The following ARMC3 variants were observed in gnomAD, a reference collection of about 807,000 sequenced individuals.
ARMC3 encodes armadillo repeat containing 3.
Under a neutral mutation model 90.3 loss-of-function variants are expected in ARMC3, and 74 were observed. The ratio of observed to expected loss-of-function variants is 0.82; its 90% CI spans 0.68 to 0.99. ARMC3 has a LOEUF of 0.99. Ranked by LOEUF, ARMC3 falls within the 50% of genes least tolerant of loss-of-function variation. ARMC3 has a pLI of 0.00. For synonymous variants in ARMC3, 334 were observed against 361.8 expected, an observed-to-expected ratio of 0.92 and a Z score of 0.87; for missense variants, 958 against 1,042.8, an observed-to-expected ratio of 0.92 and a Z score of 1.12.
At chr10:22,969,059 T>G (rs548451438) in intron 8 of ARMC3, among the ~76,000 whole-genome samples, 72 of 152,358 alleles carry the variant, frequency 4.7e-4, no homozygotes, top group Admixed American at 8.5e-4. Context: ...GAATTTGGAA[T>G]TATATAGAAG....
At chr10:23,023,855 C>G (rs148912238) in intron 16 of ARMC3, among the ~76,000 whole-genome samples, 3 of 151,874 alleles carry the variant, frequency 2.0e-5, no homozygotes, top group Non-Finnish European at 4.4e-5. Context: ...CAAGGACTTA[C>G]GGGACAATAA....
At chr10:22,985,253 T>A (rs910921757) in intron 10 of ARMC3, among the ~76,000 whole-genome samples, 3 of 152,050 alleles carry the variant, frequency 2.0e-5, no homozygotes, top group Non-Finnish European at 4.4e-5. Context: ...AAAGTTATGG[T>A]TGCCATTTTG....
chr10:22,968,209 A>T (rs1309784081), intron 7 of ARMC3, 97 bp from the exon 8 acceptor site: 1 of 1,124,908 alleles, frequency 8.9e-7, no homozygotes, highest in Non-Finnish European at 1.3e-6. Context: ...AAATCATGAC[A>T]TTGTGTTCTG....
intron 7 of ARMC3, among the ~76,000 whole-genome samples, chr10:22,966,639 C>T (rs537079688): frequency 1.4e-4 from 22 of 152,206 alleles, no homozygotes; most frequent in East Asian, 1.9e-4. Context: ...AAGAACTGCC[C>T]GAGACTGGGT....
intron 16 of ARMC3, among the ~76,000 whole-genome samples, chr10:23,028,017 C>T (rs140295072): frequency 0.013 from 1,910 of 152,256 alleles, 32 homozygotes; most frequent in African/African-American, 0.043. Context: ...TGGCACACAC[C>T]TGTGCTCCCA....
At chr10:23,004,596 G>T (rs1010144926) in intron 13 of ARMC3, among the ~76,000 whole-genome samples, 2 of 152,118 alleles carry the variant, frequency 1.3e-5, no homozygotes, top group African/African-American at 4.8e-5. Context: ...CAGGACACGG[G>T]GAGTGAGGCT....
At chr10:23,006,130 G>C (rs1325696459) in intron 13 of ARMC3, among the ~76,000 whole-genome samples, 1 of 152,152 alleles carries the variant, frequency 6.6e-6, no homozygotes, top group Non-Finnish European at 1.5e-5. Context: ...GAAGAATCAA[G>C]CAGTGCAAGA....
At chr10:22,986,726 C>A (rs559446448) in intron 10 of ARMC3, among the ~76,000 whole-genome samples, 1 of 152,080 alleles carries the variant, frequency 6.6e-6, no homozygotes, top group East Asian at 1.9e-4. Flanking sequence ...GTGTTGTTTT[C>A]TTTGTTTTTA....
At chr10:22,973,915 G>A (rs1034240846) in intron 8 of ARMC3, among the ~76,000 whole-genome samples, 1 of 151,328 alleles carries the variant, frequency 6.6e-6, no homozygotes, top group Non-Finnish European at 1.5e-5. Flanking sequence ...CCTGCCACCA[G>A]GCCCAGCTAA....
At chr10:23,029,853 A>G (rs984873878) in intron 16 of ARMC3, among the ~76,000 whole-genome samples, 3 of 151,748 alleles carry the variant, frequency 2.0e-5, no homozygotes, top group Admixed American at 2.0e-4. Flanking sequence ...TGCCATTCTC[A>G]TTTTGTAGGT....
rs781587539 is a variant in ARMC3 at position 22,959,496 on chromosome 10, G to C, written c.459G>C (p.Glu153Asp). 1.5e-5 allele frequency: 25 copies of C among 1,613,930 alleles called. No homozygotes were observed. Among genetic ancestry groups the C allele is most frequent in the Non-Finnish European group, 2.0e-5 (24 of 1,179,988 alleles). The stretch of plus-strand genomic sequence containing the variant: ...AAATATTTGAACATGGGGGATTAGA[G>C]CCACTCATCAGACTACTGAGTAGCC... ...KVQIFEHGGLEPLIRLLSSPD... is the reference protein window; with the variant it reads ...KVQIFEHGGLDPLIRLLSSPD... The change falls in exon 6 of 19, where the codon GAG becomes GAC. Residue 153 changes from glutamate to aspartate, a missense_variant. Glu to Asp is a conservative substitution (Grantham distance 45). Coordinates refer to ENST00000298032, the MANE Select transcript of ARMC3 (RefSeq NM_173081.5).
chr10:22,986,288 A>G (rs1186787883), intron 10 of ARMC3, among the ~76,000 whole-genome samples: 1 of 152,164 alleles, frequency 6.6e-6, no homozygotes, highest in Admixed American at 6.5e-5. Context: ...AAGGTGGTTC[A>G]CATCTGTAAT....
chr10:23,037,432 C>G lies in ARMC3; in HGVS notation c.2572C>G (p.Leu858Val). 1 of 1,614,066 alleles carries G rather than the reference C, an allele frequency of 6.2e-7. No individual in the cohort carries two copies. The highest frequency in any genetic ancestry group is 1.1e-5 in the South Asian group (1 of 91,064). Residue 858 changes from leucine to valine, a missense_variant, in exon 19 of 19, where the codon CTG becomes GTG. Leu to Val is a conservative substitution (Grantham distance 32). Coordinates refer to ENST00000298032, the MANE Select transcript of ARMC3 (RefSeq NM_173081.5). ...TGACCTCATGTTCCATCCAGGTGGA[C>G]TGATGAAGTTGAGAAGTCGAGAGGC... ...VIDLMFHPGG[L>V]MKLRSREADL...
chr10:23,032,980 A>G lies in ARMC3; in HGVS notation c.2366A>G (p.His789Arg). ...QLKSNVIPIG[H>R]VKKGIFYHRA... Reference sequence around the variant, plus strand: ...AAATCCAATGTTATACCGATTGGACATGTCAAAAAAGGAATCTTCTACCAT... The same window carrying G: ...AAATCCAATGTTATACCGATTGGACGTGTCAAAAAAGGAATCTTCTACCAT... Residue 789 changes from histidine to arginine, a missense_variant, in exon 18 of 19, where the codon CAT becomes CGT. His to Arg is a conservative substitution (Grantham distance 29, BLOSUM62 0). Transcript: ENST00000298032. 6.2e-7 allele frequency: 1 copy of G among 1,613,080 alleles called. No individual in the cohort carries two copies.
intron 10 of ARMC3, among the ~76,000 whole-genome samples, chr10:22,986,185 C>T (rs972789083): frequency 1.3e-5 from 2 of 148,262 alleles, no homozygotes; most frequent in Non-Finnish European, 3.0e-5. Context: ...TTCACTGATG[C>T]ATCCCAAGCA....
At chr10:22,970,481 T>A (rs770683880) in intron 8 of ARMC3, among the ~76,000 whole-genome samples, 4 of 152,216 alleles carry the variant, frequency 2.6e-5, no homozygotes, top group Admixed American at 6.5e-5. Flanking sequence ...CAAAGAGCCA[T>A]TGAAGTTACT....
intron 8 of ARMC3, among the ~76,000 whole-genome samples, chr10:22,973,194 G>A (rs1394949187): frequency 4.0e-5 from 6 of 151,772 alleles, no homozygotes; most frequent in Admixed American, 3.9e-4. Context: ...AGCTACTTGG[G>A]AGGCTGAGGA....
chr10:23,024,316 T>C (rs1020330059), intron 16 of ARMC3, among the ~76,000 whole-genome samples: 1 of 151,992 alleles, frequency 6.6e-6, no homozygotes, highest in Non-Finnish European at 1.5e-5. Flanking sequence ...TCCTAACAGA[T>C]TGGCTAAAGA....
intron 16 of ARMC3, among the ~76,000 whole-genome samples, chr10:23,011,505 C>T (rs1053368991): frequency 1.3e-5 from 2 of 152,126 alleles, no homozygotes; most frequent in African/African-American, 2.4e-5. Flanking sequence ...TAAAAAGTTT[C>T]GAGGAGCCAA....
Sources: gnomAD v4.1 joint callset for allele counts (sites outside exome capture counted in the v4.1 genomes callset) on GRCh38, gnomAD v4.1.1 for gene constraint, MANE v1.5 for transcripts, NCBI Gene and HGNC (gene_info 2026-07-23, HGNC 2026-07-21) for gene names.